Variants in CNTFR observed in about 807,000 individuals in gnomAD.
CNTFR encodes the protein ciliary neurotrophic factor receptor, also known as ciliary neurotrophic factor receptor subunit alpha.
A neutral mutation model predicts 40.4 loss-of-function variants in CNTFR; 12 were observed. That is an observed-to-expected ratio of 0.30 (90% CI 0.19 to 0.48). The LOEUF (loss-of-function observed/expected upper bound fraction) is 0.48. Among genes scored for constraint, CNTFR ranks in the 20% least tolerant of loss-of-function variants. The pLI is 0.99. For synonymous variants in CNTFR, 202 were observed against 209.6 expected (o/e 0.96, Z 0.31); for missense variants, 414 against 506.8 (o/e 0.82, Z 1.76).
chr9:34,576,050 C>A (rs1826944824), intron 2 of CNTFR, among the ~76,000 whole-genome samples: 1 of 152,168 alleles, frequency 6.6e-6, no homozygotes, highest in South Asian at 2.1e-4. Flanking sequence ...GCACCCAGCG[C>A]TCACTTCACC....
At chr9:34,563,203 T>A (rs1826142666) in intron 4 of CNTFR, among the ~76,000 whole-genome samples, 1 of 152,230 alleles carries the variant, frequency 6.6e-6, no homozygotes, top group Admixed American at 6.5e-5. Context: ...GAGCCGCCGA[T>A]CCCTTGCCCA....
In CNTFR at chr9:34,552,192, C is replaced by G; in HGVS notation, c.1087G>C (p.Ala363Pro). The part of the protein sequence containing the change: ...SVPITLALAA[A>P]AATASSLLI ...AAGAGACTGCTGGCAGTGGCGGCAGCGGCAGCCAGGGCCAGAGTGATGGGG... is the reference window on the plus strand; with the variant it reads ...AAGAGACTGCTGGCAGTGGCGGCAGGGGCAGCCAGGGCCAGAGTGATGGGG... The change falls in exon 9 of 10, where the codon GCT (alanine) becomes CCT (proline). Residue 363 changes from alanine (A) to proline (P), a missense_variant. Transcript: ENST00000378980. This position sits in a 1 kb window ranked among gnomAD's most constrained non-coding sequence, Gnocchi z 5.1. The G allele has an allele frequency of 6.3e-7, 1 of 1,591,992 alleles. No individual in the cohort carries two copies.
rs897881498 is a variant in CNTFR at position 34,589,148 on chromosome 9, T to C, written c.-112+407A>G. Among the ~76,000 whole-genome samples, 5 of 151,896 alleles carry C rather than the reference T, an allele frequency of 3.3e-5. No individual in the cohort carries two copies. The highest frequency in any genetic ancestry group is 1.9e-4 in the East Asian group (1 of 5,136). On this transcript the variant is annotated intron_variant, in intron 1 of 9. Transcript: ENST00000378980. The surrounding 1 kb of genome is among the most constrained non-coding windows in gnomAD (Gnocchi z 4.4). ...CCGTCGGTTCGCATCCCCGGGCGCT[T>C]TGAAGTCCAGATTTCTGCCCGAGAA...
chr9:34,573,121 C>T (rs568110667), intron 2 of CNTFR, among the ~76,000 whole-genome samples: 2 of 136,766 alleles, frequency 1.5e-5, no homozygotes, highest in African/African-American at 2.8e-5. Context: ...ACCCAAGAAC[C>T]GTCTTGCCAG....
rs370851571 is a variant in CNTFR, at chr9:34,558,104, G to A, written c.320-120C>T. The A allele has an allele frequency of 1.1e-4, 70 of 650,948 alleles. No homozygotes were observed. In the African/African-American group the frequency reaches 1.3e-3, roughly 12 times the overall value. The allele number at this position is 650,948 out of a possible 1,614,324, so 40.3% of individuals were successfully genotyped here. ...CCCTCAACCCATCATTGATGCCAAA[G>A]TTGTGGCGGGGAGGCTGTCAGCGAG... On this transcript the variant is annotated intron_variant, in intron 4 of 9. Transcript: ENST00000378980.
In CNTFR at chr9:34,557,818, A is replaced by G; in HGVS notation, c.437+49T>C. 6.5e-7 allele frequency: 1 copy of G among 1,529,558 alleles called. No homozygotes were observed. The allele number at this position is 1,529,558 out of a possible 1,614,324, so 94.7% of individuals were successfully genotyped here. On this transcript the variant is annotated intron_variant, in intron 5 of 9. Transcript: ENST00000378980. This position sits in a 1 kb window ranked among gnomAD's most constrained non-coding sequence, Gnocchi z 4.2. ...AGAGGGCATGGTGGTGGGATGGGGG[A>G]GAGGTCAGAGGTCAGGGCTGGACCC...
chr9:34,590,589 A>G (rs896380218), upstream of CNTFR, among the ~76,000 whole-genome samples: 6 of 151,946 alleles, frequency 3.9e-5, no homozygotes, highest in Admixed American at 2.6e-4. Context: ...CACCAACACC[A>G]CTACTCGCAT....
intron 2 of CNTFR, among the ~76,000 whole-genome samples, chr9:34,580,469 C>T (rs1827227697): frequency 6.6e-6 from 1 of 152,236 alleles, no homozygotes; most frequent in Admixed American, 6.5e-5. Context: ...TTAGTCCCCC[C>T]TCAGCCCCCA....
intron 4 of CNTFR, among the ~76,000 whole-genome samples, chr9:34,561,407 T>C (rs182607375): frequency 1.3e-5 from 2 of 152,328 alleles, no homozygotes; most frequent in Admixed American, 1.3e-4. Flanking sequence ...ATCAGAACGA[T>C]ACAGAATCAG....
At chr9:34,570,138 C>T (rs1826521295) in intron 2 of CNTFR, 1 of 152,266 alleles carries the variant, frequency 6.6e-6, no homozygotes, top group African/African-American at 2.4e-5. Flanking sequence ...ACCAGGGCCA[C>T]TCTCCGAGAT....
At chr9:34,563,991 C>T (rs1337231079) in intron 4 of CNTFR, among the ~76,000 whole-genome samples, 1 of 152,216 alleles carries the variant, frequency 6.6e-6, no homozygotes, top group African/African-American at 2.4e-5. Flanking sequence ...TCCACATCAA[C>T]ACCAGCCCAA....
At chr9:34,572,326 C>T (rs1826702576) in intron 2 of CNTFR, among the ~76,000 whole-genome samples, 1 of 152,132 alleles carries the variant, frequency 6.6e-6, no homozygotes, top group African/African-American at 2.4e-5. Context: ...CTCCAGGCCA[C>T]CCATCCCAGG....
intron 4 of CNTFR, 96 bp downstream of exon 4, chr9:34,564,503 C>T (rs1826195463): frequency 8.7e-7 from 1 of 1,152,600 alleles, no homozygotes; most frequent in Non-Finnish European, 1.3e-6. Context: ...TCTCCCCTCT[C>T]CATGTCCCCC....
intron 3 of CNTFR, among the ~76,000 whole-genome samples, chr9:34,566,720 G>A (rs1826313365): frequency 6.6e-6 from 1 of 152,128 alleles, no homozygotes; most frequent in African/African-American, 2.4e-5. Context: ...CACTGACCAG[G>A]CAGCTCAACG....
At chr9:34,574,028 G>C (rs1173751050) in intron 2 of CNTFR, among the ~76,000 whole-genome samples, 1 of 152,224 alleles carries the variant, frequency 6.6e-6, no homozygotes, top group African/African-American at 2.4e-5. Context: ...CCAGGACAGG[G>C]AGGAGGGGCT....
chr9:34,579,641 G>A (rs1039354011), intron 2 of CNTFR, among the ~76,000 whole-genome samples: 1 of 152,020 alleles, frequency 6.6e-6, no homozygotes, highest in African/African-American at 2.4e-5. Context: ...GGGGGGCTGA[G>A]GAGCAGAAAC....
chr9:34,590,323 G>T (rs1827725915), upstream of CNTFR, among the ~76,000 whole-genome samples: 2 of 152,042 alleles, frequency 1.3e-5, no homozygotes, highest in Admixed American at 6.5e-5. Flanking sequence ...TGACGGCCTC[G>T]CACCGACTCC....
chr9:34,558,192 G>A (rs1194238089), intron 4 of CNTFR, among the ~76,000 whole-genome samples: 2 of 152,130 alleles, frequency 1.3e-5, no homozygotes, highest in Admixed American at 6.5e-5. Context: ...AGGGCTGTGC[G>A]GACACGGAAC....
chr9:34,557,549 A>T lies in CNTFR; in HGVS notation c.581T>A (p.Ile194Asn). 6.2e-7 allele frequency: 1 copy of T among 1,614,166 alleles called. No homozygotes were observed. Among genetic ancestry groups the T allele is most frequent in the Non-Finnish European group, 8.5e-7 (1 of 1,180,012 alleles). ...SNALGHNATA[I>N]TFDEFTIVKP... ...ACCAATGGTGAACTCGTCAAAGGTG[A>T]TAGCTGTGGCATTGTGGCCCAGGGC... The change falls in exon 6 of 10, where the codon ATC (isoleucine) becomes AAC (asparagine). Residue 194 changes from isoleucine (I) to asparagine (N), a missense_variant. Ile to Asn is a moderately radical substitution (Grantham distance 149). Coordinates refer to ENST00000378980, the MANE Select transcript of CNTFR (RefSeq NM_147164.3). The surrounding 1 kb of genome is among the most constrained non-coding windows in gnomAD (Gnocchi z 4.2).
Sources: allele counts gnomAD v4.1 joint callset (sites outside exome capture counted in the v4.1 genomes callset), GRCh38; gene constraint gnomAD v4.1.1; non-coding constraint Gnocchi (gnomAD v3.1); transcripts MANE v1.5; gene names NCBI Gene and HGNC (gene_info 2026-07-23, HGNC 2026-07-21).